The following ANK3 variants were observed in gnomAD, a reference collection of about 807,000 sequenced individuals.
ANK3 encodes the protein ankyrin 3.
Under a neutral mutation model 370.9 loss-of-function variants are expected in ANK3, and 57 were observed. The ratio of observed to expected loss-of-function variants is 0.15; its 90% CI spans 0.12 to 0.19. ANK3 has a LOEUF of 0.19. Among genes scored for constraint, ANK3 ranks in the 10% least tolerant of loss-of-function variants. ANK3 has a pLI of 1.00. For synonymous variants in ANK3, 1,929 were observed against 1,946.3 expected (o/e 0.99, Z 0.23); for missense variants, 4,439 against 5,302.1 (o/e 0.84, Z 5.06).
At chr10:60,090,250 G>A (rs1024206724) in intron 28 of ANK3, among the ~76,000 whole-genome samples, 1 of 151,920 alleles carries the variant, frequency 6.6e-6, no homozygotes, top group Non-Finnish European at 1.5e-5. Context: ...CCTGGGAGGC[G>A]AAGGTTGCAG....
chr10:60,096,160 G>T (rs1041481882), intron 28 of ANK3, among the ~76,000 whole-genome samples: 1 of 152,178 alleles, frequency 6.6e-6, no homozygotes, highest in East Asian at 1.9e-4. Context: ...GTGACACAGC[G>T]AGACTCCATC....
chr10:60,688,643 G>A (rs578078539), intron 1 of ANK3, among the ~76,000 whole-genome samples: 1 of 152,316 alleles, frequency 6.6e-6, no homozygotes, highest in South Asian at 2.1e-4. Context: ...CCCAAGGCAA[G>A]GCAGCTATTA....
In ANK3 at chr10:60,140,282, T is replaced by G. The variant is rs575500265; in HGVS notation, c.2615-1195A>C. 144 of 1,463,770 alleles carry G rather than the reference T, an allele frequency of 9.8e-5. 1 individual carries two copies. In the South Asian group the frequency reaches 1.5e-3, roughly 16 times the overall value. 90.7% of individuals were successfully genotyped at this position (1,463,770 alleles called of 1,614,324 possible). The stretch of plus-strand genomic sequence containing the variant: ...ATTATTTTAAGTAACTATTTACGGC[T>G]GGGCTATTTGCACATTCACTGCATC... On this transcript the variant is annotated intron_variant, in intron 23 of 43. Coordinates refer to ENST00000280772, the MANE Select transcript of ANK3 (RefSeq NM_020987.5).
chr10:60,632,723 T>TA (rs1331255612), intron 1 of ANK3, among the ~76,000 whole-genome samples: 3 of 151,828 alleles, frequency 2.0e-5, no homozygotes, highest in African/African-American at 7.3e-5. Flanking sequence ...CCCACCTCTA[T>TA]AAAAAAATTC....
At chr10:60,099,574 A>G (rs575144135) in intron 28 of ANK3, among the ~76,000 whole-genome samples, 3 of 152,346 alleles carry the variant, frequency 2.0e-5, no homozygotes, top group African/African-American at 7.2e-5. Flanking sequence ...ATGACTGCAG[A>G]TTAAGAGACT....
chr10:60,165,954 G>GC (rs1281417741), intron 23 of ANK3, among the ~76,000 whole-genome samples: 3 of 152,130 alleles, frequency 2.0e-5, no homozygotes, highest in Non-Finnish European at 2.9e-5. Flanking sequence ...TTTTAAAGAT[G>GC]CCATTCATTG....
chr10:60,363,462 G>A (rs944190256), intron 1 of ANK3, among the ~76,000 whole-genome samples: 1 of 152,192 alleles, frequency 6.6e-6, no homozygotes, highest in Non-Finnish European at 1.5e-5. Context: ...AAAATTAGAG[G>A]AGAATAAAGG....
At chr10:60,226,490 C>CTATAGTAT (rs1565819615) in intron 8 of ANK3, among the ~76,000 whole-genome samples, 3 of 63,412 alleles carry the variant, frequency 4.7e-5, no homozygotes, top group African/African-American at 2.6e-4. Flanking sequence ...TATATATATA[C>CTATAGTAT]ATATACTATA....
intron 7 of ANK3, among the ~76,000 whole-genome samples, chr10:60,259,949 T>A (rs1354335850): frequency 6.6e-6 from 1 of 152,204 alleles, no homozygotes; most frequent in East Asian, 1.9e-4. Context: ...ATCTGCCACA[T>A]CAAGGATGTA....
At chr10:60,169,291 C>A (rs1226549854) in intron 21 of ANK3, among the ~76,000 whole-genome samples, 1 of 149,348 alleles carries the variant, frequency 6.7e-6, no homozygotes, top group Non-Finnish European at 1.5e-5. Flanking sequence ...TTTGACTTTC[C>A]TTGTTTTTGA....
intron 1 of ANK3, among the ~76,000 whole-genome samples, chr10:60,641,043 G>T (rs947354491): frequency 2.7e-5 from 4 of 150,398 alleles, no homozygotes; most frequent in African/African-American, 9.8e-5. Flanking sequence ...GCTTCAAAGA[G>T]AATAAAATAC....
intron 1 of ANK3, among the ~76,000 whole-genome samples, chr10:60,377,655 A>T (rs985748739): frequency 6.6e-6 from 1 of 152,238 alleles, no homozygotes; most frequent in Non-Finnish European, 1.5e-5. Flanking sequence ...AATAAAAATG[A>T]AAGTAAAAGC....
At chr10:60,145,623 A>G (rs1262810951) in intron 23 of ANK3, among the ~76,000 whole-genome samples, 2 of 152,204 alleles carry the variant, frequency 1.3e-5, no homozygotes, top group African/African-American at 4.8e-5. Context: ...TTCAAAATAA[A>G]ACACAGTTTA....
At chr10:60,181,505 T>C in intron 17 of ANK3, 78 bp from the exon 18 acceptor site, 1 of 1,351,398 alleles carries the variant, frequency 7.4e-7, no homozygotes, top group East Asian at 2.3e-5. Flanking sequence ...AAACCATTTG[T>C]GAATTCTAAG....
intron 4 of ANK3, among the ~76,000 whole-genome samples, chr10:60,271,160 A>G (rs574462131): frequency 8.5e-5 from 13 of 152,240 alleles, no homozygotes; most frequent in African/African-American, 3.1e-4. Flanking sequence ...AGCATCAAAC[A>G]ATTTTCAAAC....
At chr10:60,506,948 G>C (rs544881897) in intron 2 of ANK3, among the ~76,000 whole-genome samples, 4 of 152,118 alleles carry the variant, frequency 2.6e-5, no homozygotes, top group African/African-American at 9.6e-5. Flanking sequence ...CCTAATTTAT[G>C]AAATGTGAAA....
At chr10:60,634,902 G>C (rs1226504502) in intron 1 of ANK3, among the ~76,000 whole-genome samples, 3 of 152,086 alleles carry the variant, frequency 2.0e-5, no homozygotes, top group Non-Finnish European at 4.4e-5. Context: ...CCTACCAGAA[G>C]GAAGAAACTC....
chr10:60,270,854 T>C (rs922009959), intron 4 of ANK3, among the ~76,000 whole-genome samples: 1 of 152,218 alleles, frequency 6.6e-6, no homozygotes, highest in African/African-American at 2.4e-5. Flanking sequence ...ATTCACAGTC[T>C]GTTTTTTGTA....
At position 60,355,431 on chromosome 10, in the gene ANK3, G is replaced by A. The variant is rs1339539383; in HGVS notation, c.114+33994C>T. 2.6e-5 allele frequency among the ~76,000 whole-genome samples: 4 copies of A among 151,984 alleles called. No individual in the cohort carries two copies. The East Asian group carries it at 7.7e-4, about 29-fold the overall frequency. Reference sequence around the variant, plus strand: ...TAGCCTGTTCCCTCGGGATCCTTTAGTGGCACCACTAGTTTTTATTGGATT... The same window carrying A: ...TAGCCTGTTCCCTCGGGATCCTTTAATGGCACCACTAGTTTTTATTGGATT... On this transcript the variant is annotated intron_variant, in intron 1 of 43. Coordinates refer to ENST00000280772, the MANE Select transcript of ANK3 (RefSeq NM_020987.5).
Sources: gnomAD v4.1 joint callset for allele counts (sites outside exome capture counted in the v4.1 genomes callset) on GRCh38, gnomAD v4.1.1 for gene constraint, MANE v1.5 for transcripts, NCBI Gene and HGNC (gene_info 2026-07-23, HGNC 2026-07-21) for gene names.